The following CTNNA3 variants were observed in gnomAD, a reference collection of about 807,000 sequenced individuals.
The protein encoded by CTNNA3 is catenin alpha-3.
CTNNA3 carries 76 observed loss-of-function variants against 95.7 expected under a neutral mutation model. That is an observed-to-expected ratio of 0.79 (90% CI 0.66 to 0.96). The LOEUF (loss-of-function observed/expected upper bound fraction) is 0.96, where lower values mean the gene tolerates loss of function less well. Among genes scored for constraint, CTNNA3 ranks in the 40% least tolerant of loss-of-function variants. The pLI, the probability that CTNNA3 is intolerant of heterozygous loss-of-function variation, is 0.00. For synonymous variants in CTNNA3, 431 were observed against 374.4 expected (o/e 1.15, Z -1.74); for missense variants, 1,191 against 1,089.8 (o/e 1.09, Z -1.31).
At chr10:67,452,049 G>A (rs1317949045) in intron 5 of CTNNA3, among the ~76,000 whole-genome samples, 2 of 142,630 alleles carry the variant, frequency 1.4e-5, no homozygotes, top group South Asian at 2.2e-4. Flanking sequence ...GAGGGAGGGA[G>A]GGAGGGAGGA....
intron 7 of CTNNA3, among the ~76,000 whole-genome samples, chr10:66,980,709 T>TC (rs1233271271): frequency 6.6e-6 from 1 of 152,132 alleles, no homozygotes; most frequent in African/African-American, 2.4e-5. Context: ...AACTGAACCC[T>TC]CCAACACTTT....
intron 7 of CTNNA3, among the ~76,000 whole-genome samples, chr10:67,146,864 T>C (rs1165772575): frequency 6.6e-6 from 1 of 152,230 alleles, no homozygotes; most frequent in Non-Finnish European, 1.5e-5. Flanking sequence ...ACTGGGCCTA[T>C]ATCTAGACAT....
intron 13 of CTNNA3, among the ~76,000 whole-genome samples, chr10:66,266,071 AAGAG>A (rs1448331091): frequency 6.7e-6 from 1 of 149,642 alleles, no homozygotes; most frequent in East Asian, 2.0e-4. Flanking sequence ...AAGAAGGGAA[AAGAG>A]AGAGAGGAAG....
intron 7 of CTNNA3, among the ~76,000 whole-genome samples, chr10:67,069,200 A>G (rs1257062496): frequency 2.0e-5 from 3 of 152,116 alleles, no homozygotes; most frequent in Non-Finnish European, 2.9e-5. Flanking sequence ...TAGTAAAGAA[A>G]AAAGAAAAAT....
chr10:66,969,208 C>T (rs965560817), intron 7 of CTNNA3, among the ~76,000 whole-genome samples: 1 of 151,816 alleles, frequency 6.6e-6, no homozygotes, highest in African/African-American at 2.4e-5. Context: ...ATAAAACCAC[C>T]AGCAAACATT....
intron 5 of CTNNA3, among the ~76,000 whole-genome samples, chr10:67,244,864 T>A (rs766671396): frequency 3.9e-5 from 6 of 152,180 alleles, no homozygotes; most frequent in Non-Finnish European, 7.3e-5. Flanking sequence ...CTCAGCCCAC[T>A]ATTCTTACGG....
At chr10:67,049,143 T>C (rs1854936356) in intron 7 of CTNNA3, among the ~76,000 whole-genome samples, 2 of 151,960 alleles carry the variant, frequency 1.3e-5, no homozygotes, top group South Asian at 4.2e-4. Context: ...CAGGATAATG[T>C]TAGTATACTA....
intron 15 of CTNNA3, among the ~76,000 whole-genome samples, chr10:65,990,911 T>G (rs1051701607): frequency 4.6e-5 from 7 of 152,030 alleles, no homozygotes; most frequent in Non-Finnish European, 8.8e-5. Flanking sequence ...ACATTTAGGT[T>G]TTAGCTGATC....
chr10:66,457,769 G>T (rs1194687397), intron 11 of CTNNA3, among the ~76,000 whole-genome samples: 4 of 152,040 alleles, frequency 2.6e-5, no homozygotes, highest in Non-Finnish European at 5.9e-5. Context: ...GTAATGTGAT[G>T]ATGTATCATC....
At chr10:66,941,737 G>A (rs1016040603) in intron 7 of CTNNA3, among the ~76,000 whole-genome samples, 3 of 152,192 alleles carry the variant, frequency 2.0e-5, no homozygotes, top group African/African-American at 7.2e-5. Flanking sequence ...TTCAAGCCGC[G>A]TGAGCTGAGT....
At chr10:67,113,763 C>T (rs1325187307) in intron 7 of CTNNA3, among the ~76,000 whole-genome samples, 2 of 152,056 alleles carry the variant, frequency 1.3e-5, no homozygotes, top group East Asian at 1.9e-4. Flanking sequence ...ATTATCATGG[C>T]TTATTATCTA....
intron 1 of CTNNA3, among the ~76,000 whole-genome samples, chr10:67,687,091 T>C (rs961366425): frequency 2.0e-5 from 3 of 152,190 alleles, no homozygotes; most frequent in African/African-American, 7.2e-5. Context: ...CATCCCAGGA[T>C]TCCTCAGATG....
chr10:65,947,913 G>T (rs2077543041), intron 17 of CTNNA3, among the ~76,000 whole-genome samples: 1 of 152,156 alleles, frequency 6.6e-6, no homozygotes, highest in African/African-American at 2.4e-5. Flanking sequence ...CTCTACAGCT[G>T]GTTGGAAGTA....
intron 11 of CTNNA3, among the ~76,000 whole-genome samples, chr10:66,517,724 T>C (rs553453121): frequency 2.5e-4 from 38 of 152,258 alleles, no homozygotes; most frequent in Middle Eastern, 3.4e-3. Context: ...GCTTTCACTT[T>C]GCATTGCAGA....
intron 7 of CTNNA3, among the ~76,000 whole-genome samples, chr10:66,900,744 T>C (rs1845706625): frequency 1.3e-5 from 2 of 152,106 alleles, no homozygotes; most frequent in African/African-American, 4.8e-5. Flanking sequence ...CAAGCTTCAG[T>C]AGCCAATTCG....
intron 11 of CTNNA3, among the ~76,000 whole-genome samples, chr10:66,418,316 T>C (rs958706893): frequency 6.7e-6 from 1 of 148,190 alleles, no homozygotes; most frequent in Non-Finnish European, 1.5e-5. Flanking sequence ...CTTACCAAGA[T>C]TGAATCAGGA....
chr10:67,621,763 G>A (rs79890975), intron 2 of CTNNA3, among the ~76,000 whole-genome samples: 19,700 of 123,182 alleles, frequency 0.16, 2,424 homozygotes, highest in African/African-American at 0.45. Flanking sequence ...AAAAAAAAAA[G>A]AAAAGAAAAG....
At position 67,245,546 on chromosome 10, in the gene CTNNA3, C is replaced by T. The variant is rs115259805; in HGVS notation, c.580-25676G>A. Among the ~76,000 whole-genome samples, 1,318 of 152,144 alleles carry T rather than the reference C, an allele frequency of 8.7e-3. 13 individuals carry two copies. The highest frequency in any genetic ancestry group is 0.019 in the African/African-American group (802 of 41,504). ...CTGATCACACATGCAAAAAGTTATC[C>T]TATCATATGGCAATAAAATACCAGA... On this transcript the variant is annotated intron_variant, in intron 5 of 17. Coordinates refer to ENST00000433211, the MANE Select transcript of CTNNA3 (RefSeq NM_013266.4).
intron 10 of CTNNA3, among the ~76,000 whole-genome samples, chr10:66,571,857 C>T (rs557260381): frequency 1.3e-4 from 20 of 152,092 alleles, no homozygotes; most frequent in African/African-American, 4.3e-4. Context: ...CAGATGAAGC[C>T]GCCGAGGCAC....
Sources: allele counts gnomAD v4.1 joint callset (sites outside exome capture counted in the v4.1 genomes callset), GRCh38; gene constraint gnomAD v4.1.1; transcripts MANE v1.5; gene names NCBI Gene and HGNC (gene_info 2026-07-23, HGNC 2026-07-21).